The following HMG20A variants were observed in gnomAD, a reference collection of about 807,000 sequenced individuals.
HMG20A encodes the protein high mobility group 20A, also known as high mobility group protein 20A.
HMG20A carries 17 observed loss-of-function variants against 43.9 expected under a neutral mutation model. The observed-to-expected ratio is 0.39, with a 90% confidence interval of 0.27 to 0.58. HMG20A has a LOEUF of 0.58. HMG20A is among the 20% of genes least tolerant of loss of function. The probability of loss-of-function intolerance (pLI) is 0.59; values close to 1 mark genes in which losing one functional copy is unlikely to be tolerated. For missense variants in HMG20A, 341 were observed against 438.2 expected (o/e 0.78, Z 1.98); for synonymous variants, 132 against 147.5 (o/e 0.89, Z 0.76).
intron 1 of HMG20A, among the ~76,000 whole-genome samples, chr15:77,431,674 T>C (rs932261627): frequency 6.6e-6 from 1 of 152,220 alleles, no homozygotes. Flanking sequence ...TCTACTCTCT[T>C]AGCAATTTTC....
rs2072736645 is a variant in HMG20A at position 77,464,480 on chromosome 15, C to T, written c.237+93C>T. ...GTGTTGATCAAGGTGTTCATATGAC[C>T]TTCTTATATTCTTAGGCTGATACCT... On this transcript the variant is annotated intron_variant, in intron 3 of 9. Coordinates refer to ENST00000336216, the MANE Select transcript of HMG20A (RefSeq NM_001304504.2). 6.8e-6 allele frequency: 9 copies of T among 1,318,764 alleles called. No individual in the cohort carries two copies. The East Asian group carries it at 1.9e-4, about 28-fold the overall frequency. 81.7% of individuals were successfully genotyped at this position (1,318,764 alleles called of 1,614,324 possible).
At chr15:77,516,144 G>A in the HMG20A span, among the ~76,000 whole-genome samples, 1 of 152,250 alleles carries the variant, frequency 6.6e-6, no homozygotes, top group East Asian at 1.9e-4. Context: ...GAAATTGATG[G>A]TGCTCTGATT....
At chr15:77,514,006 G>A in the HMG20A span, among the ~76,000 whole-genome samples, 1 of 152,180 alleles carries the variant, frequency 6.6e-6, no homozygotes, top group Non-Finnish European at 1.5e-5. Context: ...TTACAAGCGT[G>A]AGCCACCACA....
intron 9 of HMG20A, among the ~76,000 whole-genome samples, chr15:77,481,790 A>C (rs2072907494): frequency 6.6e-6 from 1 of 152,164 alleles, no homozygotes; most frequent in East Asian, 1.9e-4. Context: ...CACACCCCCA[A>C]AACTGTCAAA....
chr15:77,461,126 G>T lies in HMG20A; in HGVS notation c.89+2630G>T, dbSNP rs1167281122. ...GAAAAAAAAAAAGTATTTCAAGGGA[G>T]GGGAAAAGATCAACTGTGTCAGATG... On this transcript the variant is annotated intron_variant, in intron 2 of 9. Coordinates refer to ENST00000336216, the MANE Select transcript of HMG20A (RefSeq NM_001304504.2). 3.3e-5 allele frequency among the ~76,000 whole-genome samples: 5 copies of T among 152,148 alleles called. No homozygotes were observed. In the East Asian group the frequency reaches 9.6e-4, roughly 29 times the overall value.
intron 1 of HMG20A, among the ~76,000 whole-genome samples, chr15:77,445,728 A>C (rs914445208): frequency 6.6e-6 from 1 of 152,208 alleles, no homozygotes; most frequent in Non-Finnish European, 1.5e-5. Flanking sequence ...ATACTGCGAC[A>C]GTCGATCCAA....
At chr15:77,475,291 C>T (rs1458072228) in intron 6 of HMG20A, among the ~76,000 whole-genome samples, 3 of 152,172 alleles carry the variant, frequency 2.0e-5, no homozygotes, top group African/African-American at 7.2e-5. Context: ...TTCTCTGTTA[C>T]CTTTCAGAGA....
intron 1 of HMG20A, among the ~76,000 whole-genome samples, chr15:77,425,356 C>T (rs1455586101): frequency 6.6e-6 from 1 of 152,208 alleles, no homozygotes; most frequent in Non-Finnish European, 1.5e-5. Context: ...TATTTGTGGA[C>T]GTGAGCTGGC....
At position 77,464,315 on chromosome 15, in the gene HMG20A, C is replaced by T. The variant is rs1489737418; in HGVS notation, c.165C>T (p.Leu55=). 6 of 1,613,756 alleles carry T rather than the reference C, an allele frequency of 3.7e-6. No homozygotes were observed. The East Asian group carries it at 6.7e-5, about 18-fold the overall frequency. Residue 55 remains leucine, a synonymous_variant, in exon 3 of 10, where the codon CTC becomes CTT. Coordinates refer to ENST00000336216, the MANE Select transcript of HMG20A (RefSeq NM_001304504.2). ...STNNPEFVED[L]SQGQLLQSES... ...ACAATCCAGAATTTGTGGAGGATCT[C>T]TCTCAAGGTCAGTTGCTTCAGAGTG... is the stretch of plus-strand genomic sequence containing the variant.
chr15:77,520,027 C>T, the HMG20A span, among the ~76,000 whole-genome samples: 1 of 151,968 alleles, frequency 6.6e-6, no homozygotes, highest in South Asian at 2.1e-4. Context: ...GGTGAAACCC[C>T]GTCTCTACTA....
In HMG20A at chr15:77,484,765, C is replaced by G. The variant is rs181041424; in HGVS notation, c.*1802C>G. On this transcript the variant is annotated 3_prime_UTR_variant, in exon 10 of 10. Coordinates refer to ENST00000336216, the MANE Select transcript of HMG20A (RefSeq NM_001304504.2). ...TTTCCTATTTCCCTGCCATCATCTG[C>G]TATTTCTGCCACTTCTCTTAGACTC... The G allele has an allele frequency of 2.7e-4, 41 of 152,368 alleles. No individual in the cohort carries two copies. The highest frequency in any genetic ancestry group is 9.1e-4 in the African/African-American group (38 of 41,578). 9.4% of individuals were successfully genotyped at this position (152,368 alleles called of 1,614,324 possible).
intron 1 of HMG20A, among the ~76,000 whole-genome samples, chr15:77,456,063 T>C (rs753144765): frequency 3.9e-5 from 6 of 152,166 alleles, no homozygotes; most frequent in Non-Finnish European, 8.8e-5. Flanking sequence ...TGAAACCATA[T>C]GGGTTTGAAT....
At chr15:77,424,682 A>G (rs1196981069) in intron 1 of HMG20A, among the ~76,000 whole-genome samples, 1 of 152,144 alleles carries the variant, frequency 6.6e-6, no homozygotes, top group East Asian at 1.9e-4. Context: ...TTGTCCCCCT[A>G]TCAGCATGCT....
intron 1 of HMG20A, among the ~76,000 whole-genome samples, chr15:77,432,974 A>G (rs1400879315): frequency 6.6e-6 from 1 of 152,206 alleles, no homozygotes; most frequent in Non-Finnish European, 1.5e-5. Context: ...TGAAATGGAC[A>G]AATTGTTAAA....
chr15:77,441,117 C>G (rs1262769109), intron 1 of HMG20A, among the ~76,000 whole-genome samples: 1 of 152,116 alleles, frequency 6.6e-6, no homozygotes, highest in East Asian at 1.9e-4. Flanking sequence ...GAGATAACTT[C>G]TATATAGTAT....
chr15:77,515,890 C>A, the HMG20A span, among the ~76,000 whole-genome samples: 1 of 151,150 alleles, frequency 6.6e-6, no homozygotes, highest in African/African-American at 2.4e-5. Flanking sequence ...GATCTGTGAG[C>A]AAGGCCAGAT....
chr15:77,428,302 G>A (rs1015071152), intron 1 of HMG20A, among the ~76,000 whole-genome samples: 1 of 152,208 alleles, frequency 6.6e-6, no homozygotes, highest in African/African-American at 2.4e-5. Flanking sequence ...AAAAGCAACG[G>A]CCTTTGGGTA....
intron 1 of HMG20A, among the ~76,000 whole-genome samples, chr15:77,432,091 G>T (rs781649833): frequency 1.3e-5 from 2 of 152,192 alleles, no homozygotes; most frequent in Non-Finnish European, 2.9e-5. Flanking sequence ...CAATAACCCT[G>T]AGAGTGCAGA....
At chr15:77,479,087 G>T in intron 8 of HMG20A, 92 bp from the exon 9 acceptor site, 1 of 1,227,616 alleles carries the variant, frequency 8.1e-7, no homozygotes, top group South Asian at 1.2e-5. Flanking sequence ...CTGTGGAGCA[G>T]ACCACATTAG....
Sources: allele counts gnomAD v4.1 joint callset (sites outside exome capture counted in the v4.1 genomes callset), GRCh38; gene constraint gnomAD v4.1.1; transcripts MANE v1.5; gene names NCBI Gene and HGNC (gene_info 2026-07-23, HGNC 2026-07-21).